Variants in ASTN2 observed in about 807,000 individuals in gnomAD.
ASTN2 encodes astrotactin-2.
In ASTN2, 54 loss-of-function variants were observed where a neutral mutation model predicts 139.8. The observed-to-expected ratio is 0.39, with a 90% confidence interval of 0.31 to 0.48. The LOEUF (loss-of-function observed/expected upper bound fraction) is 0.48. ASTN2 is among the 20% of genes least tolerant of loss of function. The pLI is 0.95. For missense variants in ASTN2, 1,565 were observed against 1,725.1 expected, an observed-to-expected ratio of 0.91 and a Z score of 1.64; for synonymous variants, 756 against 719.5, an observed-to-expected ratio of 1.05 and a Z score of -0.81.
Position 116,682,316 on chromosome 9 carries a change from C to T in ASTN2, c.2807-30523G>A, listed in dbSNP as rs556380816. ...GCCATCAGAGAAATGCAAATCAAAA[C>T]CACAATGAGATACCATCTCACACCA... On this transcript the variant is annotated intron_variant, in intron 16 of 22. Coordinates refer to ENST00000313400, the MANE Select transcript of ASTN2 (RefSeq NM_001365068.1). 5.7e-3 allele frequency among the ~76,000 whole-genome samples: 875 copies of T among 152,220 alleles called. 5 individuals carry two copies. Among genetic ancestry groups the T allele is most frequent in the South Asian group, 0.012 (58 of 4,818 alleles).
At chr9:117,201,680 T>G (rs1831725687) in intron 3 of ASTN2, among the ~76,000 whole-genome samples, 2 of 152,166 alleles carry the variant, frequency 1.3e-5, no homozygotes, top group South Asian at 4.1e-4. Context: ...GAGTTCTAAT[T>G]TGATTGCACT....
intron 19 of ASTN2, among the ~76,000 whole-genome samples, chr9:116,539,364 T>TA (rs1234050306): frequency 6.7e-6 from 1 of 148,422 alleles, no homozygotes; most frequent in African/African-American, 2.5e-5. Context: ...ATGAAGCTAT[T>TA]AAAAAAATCT....
intron 1 of ASTN2, among the ~76,000 whole-genome samples, chr9:117,408,376 A>C (rs1262694473): frequency 6.6e-6 from 1 of 152,120 alleles, no homozygotes; most frequent in African/African-American, 2.4e-5. Flanking sequence ...GAGGGGTTGA[A>C]TTCAATGCCT....
chr9:116,630,174 T>C (rs902402618), intron 17 of ASTN2, among the ~76,000 whole-genome samples: 3 of 152,182 alleles, frequency 2.0e-5, no homozygotes, highest in South Asian at 2.1e-4. Context: ...GGTGTCACTA[T>C]ATAGAGGATG....
intron 2 of ASTN2, among the ~76,000 whole-genome samples, chr9:117,237,163 A>C (rs1405409232): frequency 6.6e-6 from 1 of 152,184 alleles, no homozygotes; most frequent in Non-Finnish European, 1.5e-5. Flanking sequence ...TTGGAGCAAA[A>C]GTAATTGTGA....
chr9:117,278,499 T>G (rs1299928455), intron 2 of ASTN2, among the ~76,000 whole-genome samples: 1 of 152,170 alleles, frequency 6.6e-6, no homozygotes, highest in African/African-American at 2.4e-5. Flanking sequence ...AAAAGGTAAA[T>G]AAATACCATC....
chr9:117,062,773 A>T (rs1274415057), intron 5 of ASTN2, among the ~76,000 whole-genome samples: 15 of 152,220 alleles, frequency 9.9e-5, no homozygotes. Context: ...CTTTAAAATT[A>T]AGTGTAAAGC....
At chr9:116,577,426 G>A (rs1318851810) in intron 19 of ASTN2, among the ~76,000 whole-genome samples, 1 of 142,934 alleles carries the variant, frequency 7.0e-6, no homozygotes, top group African/African-American at 2.9e-5. Context: ...CAGCTATGCT[G>A]GGGGGCTGAG....
intron 2 of ASTN2, among the ~76,000 whole-genome samples, chr9:117,252,264 T>C (rs1395340246): frequency 6.6e-6 from 1 of 152,180 alleles, no homozygotes; most frequent in African/African-American, 2.4e-5. Flanking sequence ...GCTTTGTGCA[T>C]ATGCATGCTT....
At chr9:117,077,612 GT>G (rs1397321893) in intron 5 of ASTN2, among the ~76,000 whole-genome samples, 1 of 152,144 alleles carries the variant, frequency 6.6e-6, no homozygotes, top group East Asian at 1.9e-4. Flanking sequence ...GGAAGCCATG[GT>G]GGCAAGCACC....
intron 10 of ASTN2, among the ~76,000 whole-genome samples, chr9:116,893,279 T>A (rs1224100090): frequency 6.6e-6 from 1 of 152,196 alleles, no homozygotes; most frequent in Non-Finnish European, 1.5e-5. Flanking sequence ...CTTTTTTGTT[T>A]CTTTCAAACA....
intron 19 of ASTN2, chr9:116,540,766 T>C (rs554612458): frequency 1.3e-5 from 2 of 152,350 alleles, no homozygotes; most frequent in Admixed American, 1.3e-4. Context: ...TTAAAATTCC[T>C]TTTTAGTTGC....
intron 19 of ASTN2, among the ~76,000 whole-genome samples, chr9:116,601,620 T>C (rs1227927610): frequency 6.6e-6 from 1 of 152,098 alleles, no homozygotes; most frequent in Non-Finnish European, 1.5e-5. Flanking sequence ...AAATTGAACA[T>C]GAAGGTGAAC....
chr9:117,361,476 C>A (rs1240718839), intron 1 of ASTN2, among the ~76,000 whole-genome samples: 2 of 152,282 alleles, frequency 1.3e-5, no homozygotes, highest in East Asian at 3.9e-4. Context: ...ATACCATCAC[C>A]ACCTCAGGGA....
chr9:116,770,144 G>C (rs1418592549), intron 13 of ASTN2, among the ~76,000 whole-genome samples: 1 of 151,504 alleles, frequency 6.6e-6, no homozygotes, highest in Non-Finnish European at 1.5e-5. Context: ...CAAGGATAGA[G>C]AAAAGGAGGA....
intron 6 of ASTN2, among the ~76,000 whole-genome samples, chr9:117,012,504 C>T (rs545189914): frequency 2.0e-5 from 3 of 152,280 alleles, no homozygotes; most frequent in African/African-American, 7.2e-5. Context: ...TGGGCTTAAT[C>T]CATTGAGAAA....
intron 17 of ASTN2, among the ~76,000 whole-genome samples, chr9:116,625,153 G>C (rs10983278): frequency 0.061 from 9,310 of 152,148 alleles, 848 homozygotes; most frequent in South Asian, 0.29. Context: ...CCTCCCAGCT[G>C]GGCACAGTGG....
chr9:116,815,934 CA>C (rs1040295738), intron 12 of ASTN2, among the ~76,000 whole-genome samples: 1 of 140,964 alleles, frequency 7.1e-6, no homozygotes, highest in Non-Finnish European at 1.6e-5. Flanking sequence ...CAAAACAAAA[CA>C]AAAAAACTAC....
At chr9:116,745,409 A>C (rs1023129700) in intron 13 of ASTN2, among the ~76,000 whole-genome samples, 2 of 152,012 alleles carry the variant, frequency 1.3e-5, no homozygotes, top group African/African-American at 4.8e-5. Flanking sequence ...TCCCAGACAG[A>C]CCTCGTGGTG....
Sources: allele counts gnomAD v4.1 joint callset (sites outside exome capture counted in the v4.1 genomes callset), GRCh38; gene constraint gnomAD v4.1.1; transcripts MANE v1.5; gene names NCBI Gene and HGNC (gene_info 2026-07-23, HGNC 2026-07-21).